The following EXTL3 variants were observed in gnomAD, a reference collection of about 807,000 sequenced individuals.
EXTL3 encodes the protein exostosin like glycosyltransferase 3.
In EXTL3, 27 loss-of-function variants were observed where a neutral mutation model predicts 69.3. The observed-to-expected ratio is 0.39, with a 90% CI of 0.29 to 0.54. The LOEUF is 0.54. Among genes scored for constraint, EXTL3 ranks in the 20% least tolerant of loss-of-function variants. The pLI is 0.69. For synonymous variants in EXTL3, 511 were observed against 499.4 expected, an observed-to-expected ratio of 1.02 and a Z score of -0.31; for missense variants, 1,003 against 1,231.8, an observed-to-expected ratio of 0.81 and a Z score of 2.78.
intron 3 of EXTL3, among the ~76,000 whole-genome samples, chr8:28,724,461 G>T (rs928314091): frequency 1.3e-5 from 2 of 152,044 alleles, no homozygotes; most frequent in Non-Finnish European, 2.9e-5. Context: ...TTTATTGAAT[G>T]AATCCCTTAA....
intron 1 of EXTL3, among the ~76,000 whole-genome samples, chr8:28,643,426 C>CTTTTTTTATT (rs138680672): frequency 6.9e-6 from 1 of 143,978 alleles, no homozygotes; most frequent in African/African-American, 2.6e-5. Flanking sequence ...TTCTTTTTTT[C>CTTTTTTTATT]TTTTTTGAGA....
chr8:28,671,072 C>G (rs1164487036), intron 1 of EXTL3, among the ~76,000 whole-genome samples: 1 of 151,908 alleles, frequency 6.6e-6, no homozygotes, highest in African/African-American at 2.4e-5. Context: ...CCTCCGCCTC[C>G]CGGGTTGAAG....
chr8:28,657,364 G>A (rs1324978002), intron 1 of EXTL3, among the ~76,000 whole-genome samples: 1 of 152,202 alleles, frequency 6.6e-6, no homozygotes, highest in Non-Finnish European at 1.5e-5. Flanking sequence ...ACTGAGTAAC[G>A]CAGTCATCTC....
chr8:28,717,631 C>T lies in EXTL3; in HGVS notation c.1572C>T (p.Asp524=), dbSNP rs1460381426. The change falls in exon 3 of 7, where the codon GAC becomes GAT. Residue 524 remains aspartate (D), a synonymous_variant. Transcript: ENST00000220562. The surrounding 1 kb of genome is among the most constrained non-coding windows in gnomAD (Gnocchi z 8.3). The part of the protein sequence containing the change: ...FLWETYFSTA[D]SIFNTVLAMI... ...GGGAGACTTACTTCTCCACTGCTGA[C>T]AGTATTTTTAATACCGTGCTGGCTA... 6.2e-7 allele frequency: 1 copy of T among 1,614,252 alleles called. No individual in the cohort carries two copies.
intron 3 of EXTL3, among the ~76,000 whole-genome samples, chr8:28,725,399 G>GGGA (rs1185196122): frequency 6.6e-6 from 1 of 151,976 alleles, no homozygotes; most frequent in Non-Finnish European, 1.5e-5. Context: ...GGAGGTGGAT[G>GGGA]GGTTTTTTGC....
At chr8:28,720,117 A>G (rs1038139245) in intron 3 of EXTL3, among the ~76,000 whole-genome samples, 20 of 152,232 alleles carry the variant, frequency 1.3e-4, no homozygotes, top group African/African-American at 4.8e-4. Flanking sequence ...TGTGCTTTCT[A>G]TCTAGGAGAG....
Position 28,740,290 on chromosome 8 carries a change from T to C in EXTL3, c.2421+2627T>C, listed in dbSNP as rs534738822. The C allele has an allele frequency of 2.0e-5, 3 of 152,348 alleles. No individual in the cohort carries two copies. The East Asian group carries it at 5.8e-4, about 29-fold the overall frequency. 9.4% of individuals were successfully genotyped at this position (152,348 alleles called of 1,614,324 possible). A position where few individuals can be genotyped will look rare whatever the true frequency, so the allele number is the denominator to read the frequency against. On this transcript the variant is annotated intron_variant, in intron 5 of 6. Transcript: ENST00000220562. Reference sequence around the variant, plus strand: ...TCGTTTTTCTTACACCTATTTCTTTTTTTATTTTTATGAGACTGAGTTTTG... The same window carrying C: ...TCGTTTTTCTTACACCTATTTCTTTCTTTATTTTTATGAGACTGAGTTTTG...
At chr8:28,672,526 T>C (rs914144475) in intron 1 of EXTL3, among the ~76,000 whole-genome samples, 1 of 152,144 alleles carries the variant, frequency 6.6e-6, no homozygotes, top group Non-Finnish European at 1.5e-5. Context: ...AATTGTACTC[T>C]TGAATTTACT....
chr8:28,678,405 C>G (rs1447359204), intron 1 of EXTL3, among the ~76,000 whole-genome samples: 1 of 152,108 alleles, frequency 6.6e-6, no homozygotes, highest in Non-Finnish European at 1.5e-5. Flanking sequence ...GGGGGTGGAT[C>G]ATTTAGGAAT....
intron 1 of EXTL3, among the ~76,000 whole-genome samples, chr8:28,673,523 G>A (rs959892948): frequency 6.6e-6 from 1 of 152,138 alleles, no homozygotes; most frequent in East Asian, 1.9e-4. Context: ...TTGGTTCCCT[G>A]GTTCTCAGGA....
chr8:28,730,787 G>T (rs913020762), intron 3 of EXTL3, among the ~76,000 whole-genome samples: 5 of 142,044 alleles, frequency 3.5e-5, no homozygotes, highest in African/African-American at 1.2e-4. Context: ...TCCCAAAAAG[G>T]CGTTAGAATT....
chr8:28,612,806 C>T (rs1210769343), intron 2 of EXTL3, among the ~76,000 whole-genome samples: 2 of 152,064 alleles, frequency 1.3e-5, no homozygotes, highest in Non-Finnish European at 2.9e-5. Flanking sequence ...GCATCCGCAA[C>T]CTCCCAGGCT....
upstream of EXTL3, chr8:28,701,359 C>G (rs1325797891): frequency 6.6e-6 from 1 of 152,014 alleles, no homozygotes; most frequent in Non-Finnish European, 1.5e-5. Context: ...GCGCCCCTGA[C>G]CCGGGTGTCA....
chr8:28,728,725 GT>G (rs1252956045), intron 3 of EXTL3, among the ~76,000 whole-genome samples: 1 of 151,846 alleles, frequency 6.6e-6, no homozygotes, highest in East Asian at 1.9e-4. Context: ...GTCTCTACAA[GT>G]TTTTTTTGAA....
chr8:28,645,828 CT>C lies in EXTL3; in HGVS notation c.-53+23033del, dbSNP rs34032752. On this transcript the variant is annotated intron_variant, in intron 1 of 6. Transcript: ENST00000523149. ...ACAAGCATGAGCCACTGCACCTGGA[CT>C]TTTTTTTTTTTTTTAAAGTTATTCT... is the stretch of plus-strand genomic sequence containing the variant. Among the ~76,000 whole-genome samples, 1,195 of 140,678 alleles carry C rather than the reference CT, an allele frequency of 8.5e-3. 10 individuals carry two copies. Among genetic ancestry groups the C allele is most frequent in the African/African-American group, 0.024 (919 of 38,842 alleles). 92.3% of individuals were successfully genotyped at this position (140,678 alleles called of 152,430 possible).
intron 4 of EXTL3, among the ~76,000 whole-genome samples, chr8:28,735,236 T>C (rs1319143544): frequency 6.6e-6 from 1 of 152,176 alleles, no homozygotes; most frequent in Non-Finnish European, 1.5e-5. Flanking sequence ...GTGTTTATGC[T>C]GCAGCGTGAT....
chr8:28,746,163 C>T (rs965391938), intron 6 of EXTL3, among the ~76,000 whole-genome samples: 2 of 151,784 alleles, frequency 1.3e-5, no homozygotes, highest in Non-Finnish European at 2.9e-5. Flanking sequence ...CAAACTATTC[C>T]TTGTTTGAGT....
chr8:28,727,133 G>A (rs1244858132), intron 3 of EXTL3, among the ~76,000 whole-genome samples: 4 of 151,930 alleles, frequency 2.6e-5, no homozygotes, highest in African/African-American at 9.7e-5. Context: ...TGATCCACCC[G>A]CCTTGGCCTC....
At chr8:28,698,688 AAAAACAAAAC>A (rs1368052371), upstream of EXTL3, among the ~76,000 whole-genome samples, 1 of 152,188 alleles carries the variant, frequency 6.6e-6, no homozygotes, top group African/African-American at 2.4e-5. Context: ...GTCTCTACAA[AAAAACAAAAC>A]AAAACAAAAA....
Sources: gnomAD v4.1 joint callset for allele counts (sites outside exome capture counted in the v4.1 genomes callset) on GRCh38, gnomAD v4.1.1 for gene constraint, Gnocchi (gnomAD v3.1) non-coding constraint, MANE v1.5 for transcripts, NCBI Gene and HGNC (gene_info 2026-07-23, HGNC 2026-07-21) for gene names.